Variants in TENM2 observed in about 807,000 individuals in gnomAD.
TENM2 encodes the protein teneurin-2.
TENM2 carries 52 observed loss-of-function variants against 245.2 expected under a neutral mutation model. That is an observed-to-expected ratio of 0.21 (90% CI 0.17 to 0.27). TENM2 has a LOEUF of 0.27. Ranked by LOEUF, TENM2 falls within the 10% of genes least tolerant of loss-of-function variation. The probability of loss-of-function intolerance (pLI) is 1.00; values close to 1 mark genes in which losing one functional copy is unlikely to be tolerated. For missense variants in TENM2, 3,046 were observed against 3,666.8 expected (o/e 0.83, Z 4.37); for synonymous variants, 1,363 against 1,438.9 (o/e 0.95, Z 1.19).
the TENM2 span, among the ~76,000 whole-genome samples, chr5:167,228,961 A>C: frequency 6.6e-6 from 1 of 152,058 alleles, no homozygotes; most frequent in Non-Finnish European, 1.5e-5. Context: ...CGCCCTCCCA[A>C]AGTGCTGGGA....
rs769109508 is a variant in TENM2, at chr5:168,247,745, A to T, written c.6806A>T (p.Tyr2269Phe). Residue 2269 changes from tyrosine to phenylalanine, a missense_variant, in exon 27 of 29, where the codon TAT (tyrosine) becomes TTT (phenylalanine). Tyr to Phe is a conservative substitution (Grantham distance 22). Coordinates refer to ENST00000518659, the Ensembl canonical transcript of TENM2. The surrounding 1 kb of genome is among the most constrained non-coding windows in gnomAD (Gnocchi z 7.8). ...CAGTACAAAATTGACGACGATGGCT[A>T]TCTGTGCCAGAGAGGGTCTGACATC... The T allele has an allele frequency of 2.6e-5, 42 of 1,613,812 alleles. No individual in the cohort carries two copies. The highest frequency in any genetic ancestry group is 3.4e-5 in the Non-Finnish European group (40 of 1,179,896).
intron 2 of TENM2, among the ~76,000 whole-genome samples, chr5:167,784,146 G>C (rs1764402937): frequency 6.6e-6 from 1 of 152,202 alleles, no homozygotes; most frequent in African/African-American, 2.4e-5. Flanking sequence ...GTAAGCATGG[G>C]TGCTAGAGTC....
the TENM2 span, among the ~76,000 whole-genome samples, chr5:167,224,191 C>A: frequency 6.6e-6 from 1 of 152,094 alleles, no homozygotes; most frequent in African/African-American, 2.4e-5. Context: ...AGCTTTCTAG[C>A]TGAATATAGT....
chr5:167,643,943 T>C (rs1779769924), intron 2 of TENM2, among the ~76,000 whole-genome samples: 1 of 152,236 alleles, frequency 6.6e-6, no homozygotes, highest in Non-Finnish European at 1.5e-5. Flanking sequence ...TATTTGGAAG[T>C]AAATTAATTC....
At chr5:168,150,211 G>T (rs1035424095) in intron 12 of TENM2, among the ~76,000 whole-genome samples, 8 of 152,102 alleles carry the variant, frequency 5.3e-5, no homozygotes, top group Non-Finnish European at 2.9e-5. Flanking sequence ...AAACTACCCG[G>T]TGCATAATAG....
intron 4 of TENM2, among the ~76,000 whole-genome samples, chr5:167,960,307 C>A (rs370133823): frequency 6.6e-6 from 1 of 152,232 alleles, no homozygotes. Context: ...CCGCCCCTTC[C>A]CCCAGGTGCT....
the TENM2 span, among the ~76,000 whole-genome samples, chr5:167,067,518 A>C: frequency 6.6e-6 from 1 of 152,228 alleles, no homozygotes; most frequent in African/African-American, 2.4e-5. Flanking sequence ...GCTGTCTTAA[A>C]GAGTGGAAAC....
rs543878316 is a variant in TENM2, at chr5:167,444,150, T to TA, written c.502+68678dup. ...AAATACTACGAGCCTCATATTTTAA[T>TA]AGCATGTCTTTGTCATAAAGAAGAA... On this transcript the variant is annotated intron_variant, in intron 2 of 28. Coordinates refer to ENST00000518659, the Ensembl canonical transcript of TENM2. Among the ~76,000 whole-genome samples the TA allele has an allele frequency of 2.7e-3, 405 of 152,252 alleles. 3 individuals carry two copies. The highest frequency in any genetic ancestry group is 9.4e-3 in the African/African-American group (390 of 41,550).
At chr5:167,953,878 T>G (rs888288010) in intron 4 of TENM2, among the ~76,000 whole-genome samples, 1 of 152,216 alleles carries the variant, frequency 6.6e-6, no homozygotes, top group Non-Finnish European at 1.5e-5. Flanking sequence ...ATAATTTTTT[T>G]GTTTTTTTAT....
chr5:168,107,499 A>G (rs911264606), intron 9 of TENM2, among the ~76,000 whole-genome samples: 7 of 152,138 alleles, frequency 4.6e-5, no homozygotes, highest in Non-Finnish European at 7.4e-5. Context: ...ATGCCAGCCA[A>G]TCTGACTTGT....
At chr5:167,899,535 C>T (rs533266299) in intron 3 of TENM2, among the ~76,000 whole-genome samples, 2 of 152,214 alleles carry the variant, frequency 1.3e-5, no homozygotes, top group African/African-American at 2.4e-5. Flanking sequence ...CCCCATTTTG[C>T]AGATGAGGTA....
At chr5:167,354,566 T>G (rs978395398) in intron 1 of TENM2, among the ~76,000 whole-genome samples, 8 of 152,320 alleles carry the variant, frequency 5.3e-5, no homozygotes, top group African/African-American at 1.9e-4. Flanking sequence ...TGGCTAGAGA[T>G]AGTTAATCAT....
chr5:168,195,152 G>T, intron 14 of TENM2, 24 bp from the exon 17 acceptor site: 1 of 1,570,546 alleles, frequency 6.4e-7, no homozygotes, highest in South Asian at 1.2e-5. Context: ...GTGGCTCAAA[G>T]ACCTCTGTTT....
chr5:167,070,107 A>ATTTATT, the TENM2 span, among the ~76,000 whole-genome samples: 1 of 54,962 alleles, frequency 1.8e-5, no homozygotes, highest in East Asian at 2.6e-4. Flanking sequence ...CATTTGACAA[A>ATTTATT]TATTTATTTA....
chr5:168,152,677 A>C (rs1756760972), intron 12 of TENM2, among the ~76,000 whole-genome samples: 1 of 152,178 alleles, frequency 6.6e-6, no homozygotes, highest in African/African-American at 2.4e-5. Flanking sequence ...CACCTCCAAA[A>C]ACCAAATTAA....
chr5:167,929,083 AAGAAAGAAAGAAAGAAAG>A (rs1437806488), intron 3 of TENM2, among the ~76,000 whole-genome samples: 14 of 117,128 alleles, frequency 1.2e-4, no homozygotes, highest in Non-Finnish European at 2.1e-4. Flanking sequence ...GAAAGAAAGA[AAGAAAGAAAGAAAGAAAG>A]AAAGAAAGAA....
In TENM2 at chr5:167,750,680, TCTGCCAC is replaced by T. The variant is rs1761901935; in HGVS notation, c.503-125305_503-125299del. Among the ~76,000 whole-genome samples the T allele has an allele frequency of 7.9e-5, 12 of 152,218 alleles. 1 individual carries two copies. In the South Asian group the frequency reaches 2.5e-3, roughly 32 times the overall value. On this transcript the variant is annotated intron_variant, in intron 2 of 28. Coordinates refer to ENST00000518659, the Ensembl canonical transcript of TENM2. ...TAAACTCATTAACCAAAGGAACCAG[TCTGCCAC>T]TGATGTACACATTCCAGCCTGGGGT...
At chr5:167,743,994 T>C (rs1354243131) in intron 2 of TENM2, among the ~76,000 whole-genome samples, 4 of 152,184 alleles carry the variant, frequency 2.6e-5, no homozygotes, top group Non-Finnish European at 5.9e-5. Context: ...GAAACCCATG[T>C]CTATAGCAGT....
chr5:168,250,934 C>T (rs989467433), intron 27 of TENM2, among the ~76,000 whole-genome samples: 2 of 152,166 alleles, frequency 1.3e-5, no homozygotes, highest in African/African-American at 2.4e-5. Flanking sequence ...ACATGGAGAG[C>T]GATGAGAAGT....
Sources: gnomAD v4.1 joint callset for allele counts (sites outside exome capture counted in the v4.1 genomes callset) on GRCh38, gnomAD v4.1.1 for gene constraint, Gnocchi (gnomAD v3.1) non-coding constraint, MANE v1.5 for transcripts, NCBI Gene and HGNC (gene_info 2026-07-23, HGNC 2026-07-21) for gene names.